MGAM2: variants seen among roughly 807,000 people sequenced by gnomAD.
MGAM2 encodes probable maltase-glucoamylase 2.
MGAM2 carries 98 observed loss-of-function variants against 96.1 expected under a neutral mutation model. The ratio of observed to expected loss-of-function variants is 1.02; its 90% CI spans 0.87 to 1.21. The LOEUF (loss-of-function observed/expected upper bound fraction) is 1.21. MGAM2 is among the 50% of genes most tolerant of loss of function. The probability of loss-of-function intolerance (pLI) is 0.00; values close to 1 mark genes in which losing one functional copy is unlikely to be tolerated. For missense variants in MGAM2, 2,055 were observed against 1,182.4 expected (o/e 1.74, Z -10.82); for synonymous variants, 749 against 414.8 (o/e 1.81, Z -9.79).
Position 142,147,549 on chromosome 7 carries a change from A to G in MGAM2, c.1610A>G (p.His537Arg). ...TATGACATCCACAGCTTGTATGGCC[A>G]CTCCATGGCAAGAACCACAAACTTG... is the stretch of plus-strand genomic sequence containing the variant. ...LHYDIHSLYG[H>R]SMARTTNLAL... Residue 537 changes from histidine (H) to arginine (R), a missense_variant, in exon 15 of 48, where the codon CAC becomes CGC. By Grantham distance (29) the His-to-Arg change is conservative. Coordinates refer to ENST00000477922, the MANE Select transcript of MGAM2 (RefSeq NM_001293626.2). 2.8e-6 allele frequency: 2 copies of G among 702,632 alleles called. No individual in the cohort carries two copies. The highest frequency in any genetic ancestry group is 5.2e-6 in the Non-Finnish European group (2 of 384,846). 43.5% of individuals were successfully genotyped at this position (702,632 alleles called of 1,614,324 possible). A position where few individuals can be genotyped will look rare whatever the true frequency, so the allele number is the denominator to read the frequency against.
At chr7:142,167,672 A>T (rs1796069775) in intron 26 of MGAM2, among the ~76,000 whole-genome samples, 186 bp downstream of exon 26, 1 of 152,210 alleles carries the variant, frequency 6.6e-6, no homozygotes, top group Non-Finnish European at 1.5e-5. Context: ...TCCCTGGCTC[A>T]AGCCATCTTC....
rs909961815 is a variant in MGAM2 at position 142,160,207 on chromosome 7, G to C, written c.2294G>C (p.Arg765Pro). ...LPGDKIGLHLRGGYIFPTQKP... is the reference protein window; with the variant it reads ...LPGDKIGLHLPGGYIFPTQKP... ...GGTGACAAGATAGGACTTCATCTGC[G>C]AGGGGGCTACATATTTCCCACTCAG... Residue 765 changes from arginine to proline, a missense_variant, in exon 21 of 48, where the codon CGA (arginine) becomes CCA (proline). By Grantham distance (103) the Arg-to-Pro change is moderately radical (BLOSUM62 -2). Coordinates refer to ENST00000477922, the MANE Select transcript of MGAM2 (RefSeq NM_001293626.2). 1.4e-6 allele frequency: 1 copy of C among 702,626 alleles called. No individual in the cohort carries two copies. 43.5% of individuals were successfully genotyped at this position (702,626 alleles called of 1,614,324 possible). A position where few individuals can be genotyped will look rare whatever the true frequency, so the allele number is the denominator to read the frequency against.
At chr7:142,126,937 G>A (rs80258530) in intron 3 of MGAM2, among the ~76,000 whole-genome samples, 15,179 of 152,126 alleles carry the variant, frequency 0.1, 894 homozygotes, top group South Asian at 0.19. Context: ...ATGCTTATAT[G>A]TATGCACTTA....
intron 12 of MGAM2, among the ~76,000 whole-genome samples, chr7:142,142,652 C>T (rs541279663): frequency 4.0e-5 from 6 of 150,866 alleles, no homozygotes; most frequent in East Asian, 2.0e-4. Context: ...CAGGTTCAAG[C>T]GATTCTCCTG....
intron 22 of MGAM2, 39 bp from the exon 23 acceptor site, chr7:142,161,916 G>A (rs1367459993): frequency 1.5e-6 from 1 of 663,656 alleles, no homozygotes; most frequent in Non-Finnish European, 2.7e-6. Context: ...CTGGCTGATT[G>A]GCTTCCCATA....
Position 142,143,829 on chromosome 7 carries a change from AC to A in MGAM2, c.1379del (p.Thr460LysfsTer20). 1 of 702,840 alleles carries A rather than the reference AC, an allele frequency of 1.4e-6. No homozygotes were observed. Among genetic ancestry groups the A allele is most frequent in the Non-Finnish European group, 2.6e-6 (1 of 384,856 alleles). 43.5% of individuals were successfully genotyped at this position (702,840 alleles called of 1,614,324 possible). A position where few individuals can be genotyped will look rare whatever the true frequency, so the allele number is the denominator to read the frequency against. ...CAATCCAGTATGCACTGAGTGGTGGACAGATCAGGTCGCTAAATTTCATGAT... is the reference window on the plus strand; with the variant it reads ...CAATCCAGTATGCACTGAGTGGTGGAAGATCAGGTCGCTAAATTTCATGAT... ...YTNPVCTEWW[T>X]DQVAKFHDHL... On this transcript the variant is annotated frameshift_variant, in exon 13 of 48. Transcript: ENST00000477922. LOFTEE classifies it high-confidence loss of function.
At chr7:142,181,985 A>C (rs555848186) in intron 32 of MGAM2, among the ~76,000 whole-genome samples, 2 of 152,008 alleles carry the variant, frequency 1.3e-5, no homozygotes, top group South Asian at 4.2e-4. Flanking sequence ...GGATGTTCTG[A>C]GCTATGGAGC....
At chr7:142,157,883 C>G in intron 17 of MGAM2, 54 bp from the exon 18 acceptor site, 1 of 690,956 alleles carries the variant, frequency 1.4e-6, no homozygotes, top group South Asian at 1.5e-5. Context: ...TGTAAGAGAA[C>G]TTCTGAACTA....
intron 8 of MGAM2, among the ~76,000 whole-genome samples, 175 bp downstream of exon 8, chr7:142,136,815 T>C (rs751219196): frequency 7.2e-5 from 11 of 152,246 alleles, no homozygotes; most frequent in Non-Finnish European, 1.0e-4. Flanking sequence ...ATCCAGGTGA[T>C]ACTTGACATT....
At chr7:142,150,098 C>T (rs558607571) in intron 15 of MGAM2, among the ~76,000 whole-genome samples, 3 of 152,202 alleles carry the variant, frequency 2.0e-5, no homozygotes, top group East Asian at 1.9e-4. Flanking sequence ...TGCGCCACCA[C>T]GCCCAGCTAA....
intron 28 of MGAM2, 74 bp from the exon 29 acceptor site, chr7:142,172,024 G>A: frequency 1.7e-6 from 1 of 590,416 alleles, no homozygotes; most frequent in Non-Finnish European, 3.1e-6. Flanking sequence ...ATGAGTAAGA[G>A]TTTGCTGTTT....
intron 6 of MGAM2, among the ~76,000 whole-genome samples, chr7:142,133,026 C>T (rs1794947077): frequency 1.6e-5 from 2 of 128,966 alleles, no homozygotes; most frequent in African/African-American, 3.0e-5. Context: ...TTTATATTTT[C>T]ATTTAATTAT....
intron 37 of MGAM2, among the ~76,000 whole-genome samples, chr7:142,194,477 T>A (rs1179345401): frequency 6.6e-6 from 1 of 152,230 alleles, no homozygotes; most frequent in Non-Finnish European, 1.5e-5. Flanking sequence ...ATTCCAGGCC[T>A]TCATTATCTC....
At chr7:142,177,402 G>C (rs1796411611) in intron 32 of MGAM2, among the ~76,000 whole-genome samples, 1 of 152,164 alleles carries the variant, frequency 6.6e-6, no homozygotes, top group Admixed American at 6.5e-5. Context: ...AATTCAGGAT[G>C]AGATTTGGGT....
At chr7:142,205,191 A>C (rs1034066975) in intron 45 of MGAM2, among the ~76,000 whole-genome samples, 23 of 152,066 alleles carry the variant, frequency 1.5e-4, no homozygotes, top group Non-Finnish European at 7.4e-5. Flanking sequence ...TGCTTGGTAT[A>C]TATCCATTCA....
At chr7:142,218,886 AT>A (rs1797840856) in intron 47 of MGAM2, among the ~76,000 whole-genome samples, 1 of 152,180 alleles carries the variant, frequency 6.6e-6, no homozygotes, top group African/African-American at 2.4e-5. Flanking sequence ...GGAAAGGGTG[AT>A]TCCCTAAAGC....
chr7:142,199,856 A>T, intron 44 of MGAM2, 24 bp from the exon 45 acceptor site: 1 of 638,084 alleles, frequency 1.6e-6, no homozygotes, highest in Non-Finnish European at 2.7e-6. Context: ...AGAGAAAAAT[A>T]ACTCTTTTTT....
At chr7:142,157,454 C>T (rs574800771) in intron 17 of MGAM2, among the ~76,000 whole-genome samples, 6 of 151,310 alleles carry the variant, frequency 4.0e-5, no homozygotes, top group South Asian at 4.2e-4. Flanking sequence ...TGCAGTGGCA[C>T]GATCTCAGCT....
chr7:142,166,772 G>A (rs528223561), intron 25 of MGAM2, among the ~76,000 whole-genome samples: 112 of 152,236 alleles, frequency 7.4e-4, no homozygotes, highest in African/African-American at 2.5e-3. Context: ...TAAAAAAATG[G>A]ATGTGTTCAT....
Sources: gnomAD v4.1 joint callset for allele counts (sites outside exome capture counted in the v4.1 genomes callset) on GRCh38, gnomAD v4.1.1 for gene constraint, MANE v1.5 for transcripts, NCBI Gene and HGNC (gene_info 2026-07-23, HGNC 2026-07-21) for gene names.